Variants in PCDHB12 observed in about 807,000 individuals in gnomAD.
PCDHB12 encodes the protein protocadherin beta 12, also known as protocadherin beta-12.
For synonymous variants in PCDHB12, 560 were observed against 445.2 expected (o/e 1.26, Z -3.24); for missense variants, 1,192 against 998.2 (o/e 1.19, Z -2.62).
In PCDHB12 at chr5:141,210,357, G is replaced by C. The variant is rs1554286925; in HGVS notation, c.1450G>C (p.Ala484Pro). The part of the protein sequence containing the change: ...SATDRDSGTN[A>P]QVNYSLLPSQ... ...CACAGACAGAGACTCGGGCACCAACGCCCAGGTCAACTACTCGCTGCTGCC... is the reference window on the plus strand; with the variant it reads ...CACAGACAGAGACTCGGGCACCAACCCCCAGGTCAACTACTCGCTGCTGCC... Residue 484 changes from alanine to proline, a missense_variant, in exon 1 of 1, where the codon GCC becomes CCC. Physicochemically the swap from Ala to Pro is conservative, Grantham distance 27 (BLOSUM62 -1). Transcript: ENST00000239450. 1 of 1,612,950 alleles carries C rather than the reference G, an allele frequency of 6.2e-7. No individual in the cohort carries two copies. The highest frequency in any genetic ancestry group is 1.1e-5 in the South Asian group (1 of 91,024).
At position 141,211,220 on chromosome 5, in the gene PCDHB12, C is replaced by G. The variant is rs1217909875; in HGVS notation, c.2313C>G (p.Ile771Met). 3 of 1,613,940 alleles carry G rather than the reference C, an allele frequency of 1.9e-6. No homozygotes were observed. Among genetic ancestry groups the G allele is most frequent in the Non-Finnish European group, 2.5e-6 (3 of 1,179,944 alleles). Reference protein sequence around the residue: ...SNKFKFLKPIIPNFLPQSTGS... With the variant: ...SNKFKFLKPIMPNFLPQSTGS... ...AGTTCAAATTTCTGAAACCAATTAT[C>G]CCCAACTTCCTACCCCAGAGCACAG... Residue 771 changes from isoleucine to methionine, a missense_variant, in exon 1 of 1, where the codon ATC (isoleucine) becomes ATG (methionine). Transcript: ENST00000239450.
chr5:141,210,717 T>A lies in PCDHB12; in HGVS notation c.1810T>A (p.Tyr604Asn), dbSNP rs17844603. Residue 604 changes from tyrosine (Y) to asparagine (N), a missense_variant, in exon 1 of 1, where the codon TAC becomes AAC. Physicochemically the swap from Tyr to Asn is moderately radical, Grantham distance 143. Transcript: ENST00000239450. ...CTCGGGCCAGAACGCCTGGCTGTCG[T>A]ACCAGCTGCTCAAGGCCACGGAGCC... ...GDSGQNAWLSYQLLKATEPGL... is the reference protein window; with the variant it reads ...GDSGQNAWLSNQLLKATEPGL... 7.5e-3 allele frequency: 12,022 copies of A among 1,608,790 alleles called. 45 individuals carry two copies. The highest frequency in any genetic ancestry group is 8.7e-3 in the Middle Eastern group (39 of 4,476).
Position 141,209,218 on chromosome 5 carries a change from T to C in PCDHB12, c.311T>C (p.Leu104Pro), listed in dbSNP as rs1441936667. 5 of 1,614,076 alleles carry C rather than the reference T, an allele frequency of 3.1e-6. No individual in the cohort carries two copies. Among genetic ancestry groups the C allele is most frequent in the Non-Finnish European group, 4.2e-6 (5 of 1,180,046 alleles). The change falls in exon 1 of 1, where the codon CTG (leucine) becomes CCG (proline). Residue 104 changes from leucine (L) to proline (P), a missense_variant. By Grantham distance (98) the Leu-to-Pro change is moderately conservative (BLOSUM62 -3). Coordinates refer to ENST00000239450, the MANE Select transcript of PCDHB12 (RefSeq NM_018932.4). ...TGTGGCTCCAATGAGCCTTGTGTGC[T>C]GTATTTCCAAGTGTTAATGAAAAAC... ...ELCGSNEPCVLYFQVLMKNPT... is the reference protein window; with the variant it reads ...ELCGSNEPCVPYFQVLMKNPT...
Position 141,210,873 on chromosome 5 carries a change from G to A in PCDHB12, c.1966G>A (p.Ala656Thr), listed in dbSNP as rs782472778. 1.9e-6 allele frequency: 3 copies of A among 1,605,088 alleles called. No individual in the cohort carries two copies. The highest frequency in any genetic ancestry group is 1.7e-5 in the Admixed American group (1 of 59,946). Residue 656 changes from alanine to threonine, a missense_variant, in exon 1 of 1, where the codon GCC (alanine) becomes ACC (threonine). Coordinates refer to ENST00000239450, the MANE Select transcript of PCDHB12 (RefSeq NM_018932.4). Reference protein sequence around the residue: ...DNGEPPRSATATLHVLLVDGF... With the variant: ...DNGEPPRSATTTLHVLLVDGF... ...TGGCGAGCCTCCGCGCTCGGCCACC[G>A]CCACGCTGCACGTGCTCCTGGTGGA...
At position 141,210,987 on chromosome 5, in the gene PCDHB12, T is replaced by C. The variant is rs782642699; in HGVS notation, c.2080T>C (p.Leu694=). 6.8e-6 allele frequency: 11 copies of C among 1,611,374 alleles called. No individual in the cohort carries two copies. The highest frequency in any genetic ancestry group is 9.3e-6 in the Non-Finnish European group (11 of 1,179,770). Residue 694 remains leucine (L), a synonymous_variant, in exon 1 of 1, where the codon TTG becomes CTG. Transcript: ENST00000239450. ...GCTCACTGTCTACCTGGTGGTGGCG[T>C]TGGCCTCAGTGTCGTCGCTCTTCCT... ...DSLTVYLVVA[L]ASVSSLFLFS...
Position 141,211,230 on chromosome 5 carries a change from C to T in PCDHB12, c.2323C>T (p.Leu775=). 4.3e-6 allele frequency: 7 copies of T among 1,613,878 alleles called. No individual in the cohort carries two copies. The highest frequency in any genetic ancestry group is 5.9e-6 in the Non-Finnish European group (7 of 1,179,826). The change falls in exon 1 of 1, where the codon CTA becomes TTA. Residue 775 remains leucine (L), a synonymous_variant. Transcript: ENST00000239450. ...TCTGAAACCAATTATCCCCAACTTC[C>T]TACCCCAGAGCACAGGTAGTGAAGT... is the stretch of plus-strand genomic sequence containing the variant. ...KFLKPIIPNF[L]PQSTGSEVEE... is the part of the protein sequence containing the mutation.
rs782009435 is a variant in PCDHB12, at chr5:141,210,451, C to A, written c.1544C>A (p.Ala515Asp). 74 of 1,613,008 alleles carry A rather than the reference C, an allele frequency of 4.6e-5. 1 individual carries two copies. The highest frequency in any genetic ancestry group is 6.0e-5 in the Non-Finnish European group (71 of 1,179,914). ...SINADNGHLF[A>D]LRSLDYEALQ... ...AACGCGGACAACGGCCACCTGTTTG[C>A]CCTCAGGTCGCTGGACTACGAGGCC... The change falls in exon 1 of 1, where the codon GCC (alanine) becomes GAC (aspartate). Residue 515 changes from alanine to aspartate, a missense_variant. Physicochemically the swap from Ala to Asp is moderately radical, Grantham distance 126. Transcript: ENST00000239450.
Position 141,210,017 on chromosome 5 carries a change from A to G in PCDHB12, c.1110A>G (p.Ile370Met). 1 of 1,614,194 alleles carries G rather than the reference A, an allele frequency of 6.2e-7. No homozygotes were observed. The highest frequency in any genetic ancestry group is 1.3e-5 in the African/African-American group (1 of 75,052). ...AGACTGTGGTTATGGTTTTCAGGAT[A>G]CGAGACAGAGACTCTGGGGACAACG... Reference protein sequence around the residue: ...TPETVVMVFRIRDRDSGDNGK... With the variant: ...TPETVVMVFRMRDRDSGDNGK... Residue 370 changes from isoleucine to methionine, a missense_variant, in exon 1 of 1, where the codon ATA becomes ATG. Physicochemically the swap from Ile to Met is conservative, Grantham distance 10. Transcript: ENST00000239450.
rs560718011 is a variant in PCDHB12, at chr5:141,210,503, C to A, written c.1596C>A (p.Gly532=). The A allele has an allele frequency of 4.3e-6, 7 of 1,612,422 alleles. No individual in the cohort carries two copies. The African/African-American group carries it at 6.7e-5, about 15-fold the overall frequency. The change falls in exon 1 of 1, where the codon GGC becomes GGA. Residue 532 remains glycine, a synonymous_variant. Coordinates refer to ENST00000239450, the MANE Select transcript of PCDHB12 (RefSeq NM_018932.4). Reference sequence around the variant, plus strand: ...TGCAGGGGTTCCAGTTCCGCGTGGGCGCCACAGACCACGGCTCCCCGGCTT... The same window carrying A: ...TGCAGGGGTTCCAGTTCCGCGTGGGAGCCACAGACCACGGCTCCCCGGCTT... ...EALQGFQFRV[G]ATDHGSPALS...
At position 141,210,315 on chromosome 5, in the gene PCDHB12, A is replaced by G. The variant is rs1462112814; in HGVS notation, c.1408A>G (p.Ile470Val). Residue 470 changes from isoleucine (I) to valine (V), a missense_variant, in exon 1 of 1, where the codon ATC becomes GTC. Ile to Val is a conservative substitution (Grantham distance 29). Coordinates refer to ENST00000239450, the MANE Select transcript of PCDHB12 (RefSeq NM_018932.4). ...VRENNSPALH[I>V]GSISATDRDS... ...CGAGAACAACAGCCCCGCCCTGCAC[A>G]TCGGCAGCATCAGCGCCACAGACAG... is the stretch of plus-strand genomic sequence containing the variant. 2 of 1,613,150 alleles carry G rather than the reference A, an allele frequency of 1.2e-6. No individual in the cohort carries two copies. Among genetic ancestry groups the G allele is most frequent in the Non-Finnish European group, 1.7e-6 (2 of 1,180,018 alleles).
Position 141,212,248 on chromosome 5 carries a change from G to T in PCDHB12, c.*953G>T, listed in dbSNP as rs1212082896. 1 of 164,558 alleles carries T rather than the reference G, an allele frequency of 6.1e-6. No homozygotes were observed. Among genetic ancestry groups the T allele is most frequent in the Non-Finnish European group, 1.5e-5 (1 of 68,044 alleles). 10.2% of individuals were successfully genotyped at this position (164,558 alleles called of 1,614,324 possible). On this transcript the variant is annotated 3_prime_UTR_variant, in exon 1 of 1. Transcript: ENST00000239450. ...ATTAGTTAATTATTTTCTTTACATT[G>T]TAGTATATTTCCAGAGTCACCCATG...
Position 141,210,619 on chromosome 5 carries a change from C to T in PCDHB12, c.1712C>T (p.Pro571Leu), listed in dbSNP as rs782729510. The change falls in exon 1 of 1, where the codon CCC becomes CTC. Residue 571 changes from proline to leucine, a missense_variant. Transcript: ENST00000239450. ...TACCCGCTGCAGAACGGCTCCGCGC[C>T]CTGCACCGAGCTGGTGCCCTGGGCG... ...VLYPLQNGSA[P>L]CTELVPWAAE... is the part of the protein sequence containing the mutation. 3.1e-6 allele frequency: 5 copies of T among 1,611,390 alleles called. No homozygotes were observed. The highest frequency in any genetic ancestry group is 1.7e-5 in the Admixed American group (1 of 60,002).
Position 141,210,487 on chromosome 5 carries a change from T to A in PCDHB12, c.1580T>A (p.Phe527Tyr). The A allele has an allele frequency of 6.2e-7, 1 of 1,612,642 alleles. No homozygotes were observed. Among genetic ancestry groups the A allele is most frequent in the Non-Finnish European group, 8.5e-7 (1 of 1,179,870 alleles). The change falls in exon 1 of 1, where the codon TTC (phenylalanine) becomes TAC (tyrosine). Residue 527 changes from phenylalanine (F) to tyrosine (Y), a missense_variant. Coordinates refer to ENST00000239450, the MANE Select transcript of PCDHB12 (RefSeq NM_018932.4). ...CTGGACTACGAGGCCCTGCAGGGGT[T>A]CCAGTTCCGCGTGGGCGCCACAGAC... ...RSLDYEALQG[F>Y]QFRVGATDHG...
In PCDHB12 at chr5:141,210,221, C is replaced by T. The variant is rs142090623; in HGVS notation, c.1314C>T (p.Thr438=). 2.1e-5 allele frequency: 34 copies of T among 1,614,050 alleles called. No individual in the cohort carries two copies. The highest frequency in any genetic ancestry group is 2.4e-5 in the Non-Finnish European group (28 of 1,179,996). The change falls in exon 1 of 1, where the codon ACC becomes ACT. Residue 438 remains threonine, a synonymous_variant. Coordinates refer to ENST00000239450, the MANE Select transcript of PCDHB12 (RefSeq NM_018932.4). ...TPRLKTEHNI[T]VLVSDVNDNA... ...GGCTAAAAACCGAGCACAACATAAC[C>T]GTGCTGGTCTCCGACGTCAATGACA...
At position 141,210,774 on chromosome 5, in the gene PCDHB12, G is replaced by A. The variant is rs782519747; in HGVS notation, c.1867G>A (p.Glu623Lys). 16 of 1,601,192 alleles carry A rather than the reference G, an allele frequency of 1.0e-5. No homozygotes were observed. Among genetic ancestry groups the A allele is most frequent in the African/African-American group, 8.0e-5 (6 of 74,800 alleles). ...GLFGVWAHNGEVRTARLLSER... is the reference protein window; with the variant it reads ...GLFGVWAHNGKVRTARLLSER... ...ATTCGGCGTGTGGGCGCACAATGGC[G>A]AGGTGCGCACCGCCAGGCTGCTGAG... Residue 623 changes from glutamate to lysine, a missense_variant, in exon 1 of 1, where the codon GAG (glutamate) becomes AAG (lysine). Glu to Lys is a moderately conservative substitution (Grantham distance 56, BLOSUM62 1). Coordinates refer to ENST00000239450, the MANE Select transcript of PCDHB12 (RefSeq NM_018932.4).
At position 141,210,474 on chromosome 5, in the gene PCDHB12, G is replaced by T. The variant is rs782738686; in HGVS notation, c.1567G>T (p.Ala523Ser). ...LFALRSLDYE[A>S]LQGFQFRVGA... ...TGCCCTCAGGTCGCTGGACTACGAGGCCCTGCAGGGGTTCCAGTTCCGCGT... is the reference window on the plus strand; with the variant it reads ...TGCCCTCAGGTCGCTGGACTACGAGTCCCTGCAGGGGTTCCAGTTCCGCGT... Residue 523 changes from alanine (A) to serine (S), a missense_variant, in exon 1 of 1, where the codon GCC (alanine) becomes TCC (serine). Transcript: ENST00000239450. The T allele has an allele frequency of 6.2e-6, 10 of 1,612,784 alleles. No homozygotes were observed. In the Admixed American group the frequency reaches 1.7e-4, roughly 27 times the overall value.
In PCDHB12 at chr5:141,209,524, C is replaced by T. The variant is rs782101105; in HGVS notation, c.617C>T (p.Pro206Leu). Reference sequence around the variant, plus strand: ...AAGGCGCTGGATTATGAAGAGCGCCCGGAGCTCAGTTTCATCCTCACTGCT... The same window carrying T: ...AAGGCGCTGGATTATGAAGAGCGCCTGGAGCTCAGTTTCATCCTCACTGCT... ...LDKALDYEER[P>L]ELSFILTALD... The change falls in exon 1 of 1, where the codon CCG becomes CTG. Residue 206 changes from proline to leucine, a missense_variant. Transcript: ENST00000239450. 1.5e-5 allele frequency: 24 copies of T among 1,614,140 alleles called. No homozygotes were observed. Among genetic ancestry groups the T allele is most frequent in the South Asian group, 2.2e-5 (2 of 91,064 alleles).
In PCDHB12 at chr5:141,211,524, G is replaced by A; in HGVS notation, c.*229G>A. On this transcript the variant is annotated 3_prime_UTR_variant, in exon 1 of 1. Transcript: ENST00000239450. ...GTCAAACAATTATGCTTAATATAAA[G>A]TCTATTAAGTGGTAAGTCTTGTTTG... is the stretch of plus-strand genomic sequence containing the variant. The A allele has an allele frequency of 1.7e-6, 1 of 603,828 alleles. No homozygotes were observed. Among genetic ancestry groups the A allele is most frequent in the South Asian group, 1.9e-5 (1 of 53,284 alleles). 37.4% of individuals were successfully genotyped at this position (603,828 alleles called of 1,614,324 possible).
rs1554286743 is a variant in PCDHB12 at position 141,209,767 on chromosome 5, A to T, written c.860A>T (p.Asp287Val). The T allele has an allele frequency of 6.8e-6, 11 of 1,614,216 alleles. No homozygotes were observed. Among genetic ancestry groups the T allele is most frequent in the African/African-American group, 1.3e-5 (1 of 75,054 alleles). The change falls in exon 1 of 1, where the codon GAT (aspartate) becomes GTT (valine). Residue 287 changes from aspartate (D) to valine (V), a missense_variant. Transcript: ENST00000239450. ...TATACCTTTTCCCATGCCTCAGAAG[A>T]TATTCGCAAGACATTTGAAATTAAT... ...LSYTFSHASE[D>V]IRKTFEINQK... is the part of the protein sequence containing the mutation.
Sources: allele counts gnomAD v4.1 joint callset, GRCh38; gene constraint gnomAD v4.1.1; transcripts MANE v1.5; gene names NCBI Gene and HGNC (gene_info 2026-07-23, HGNC 2026-07-21).